CSNK1D: variants seen among roughly 807,000 people sequenced by gnomAD.
CSNK1D encodes the protein casein kinase I isoform delta.
Under a neutral mutation model 46.6 loss-of-function variants are expected in CSNK1D, and 16 were observed. The observed-to-expected ratio is 0.34, with a 90% CI of 0.23 to 0.52. CSNK1D has a LOEUF of 0.52. CSNK1D is among the 20% of genes least tolerant of loss of function. The pLI, the probability that CSNK1D is intolerant of heterozygous loss-of-function variation, is 0.95. For synonymous variants in CSNK1D, 276 were observed against 228.2 expected (o/e 1.21, Z -1.89); for missense variants, 398 against 578.4 (o/e 0.69, Z 3.20).
At position 82,250,455 on chromosome 17, in the gene CSNK1D, C is replaced by T. The variant is rs764431244; in HGVS notation, c.886-853G>A. On this transcript the variant is annotated intron_variant, in intron 6 of 8. Coordinates refer to ENST00000314028, the MANE Select transcript of CSNK1D (RefSeq NM_001893.6). The surrounding 1 kb of genome is among the most constrained non-coding windows in gnomAD (Gnocchi z 4.6). ...TGCCGCAGGAGGGTCGCTCTGATTCCTCCCGAGGCAGCACAGCCCCGGCAG... is the reference window on the plus strand; with the variant it reads ...TGCCGCAGGAGGGTCGCTCTGATTCTTCCCGAGGCAGCACAGCCCCGGCAG... 1 of 330,304 alleles carries T rather than the reference C, an allele frequency of 3.0e-6. No individual in the cohort carries two copies. Among genetic ancestry groups the T allele is most frequent in the Non-Finnish European group, 6.0e-6 (1 of 165,466 alleles). 20.5% of individuals were successfully genotyped at this position (330,304 alleles called of 1,614,324 possible). A position where few individuals can be genotyped will look rare whatever the true frequency, so the allele number is the denominator to read the frequency against.
At chr17:82,242,091 C>A (rs1317071011), downstream of CSNK1D, among the ~76,000 whole-genome samples, 1 of 151,912 alleles carries the variant, frequency 6.6e-6, no homozygotes, top group East Asian at 1.9e-4. Context: ...GGAGGGGAGG[C>A]GGCCTAGCCT....
chr17:82,270,214 TGG>T (rs1253391582), intron 1 of CSNK1D, among the ~76,000 whole-genome samples: 1 of 152,196 alleles, frequency 6.6e-6, no homozygotes, highest in Non-Finnish European at 1.5e-5. Flanking sequence ...GGGGCAATTT[TGG>T]AACACGACAA....
At chr17:82,254,334 C>T (rs2051104407) in intron 3 of CSNK1D, 29 of 298,192 alleles carry the variant, frequency 9.7e-5, no homozygotes, top group South Asian at 5.6e-4. Flanking sequence ...CCGCCGGGGC[C>T]TCGAGAAGCC....
At position 82,253,072 on chromosome 17, in the gene CSNK1D, T is replaced by A. The variant is rs2051054085; in HGVS notation, c.509A>T (p.Asn170Ile). ...CCGCGCCGTCCCCGTGAGGTTCTTG[T>A]TCTCACGATAGGGGATGTGCTGGTG... ...RTHQHIPYRE[N>I]KNLTGTARYA... The change falls in exon 4 of 9, where the codon AAC (asparagine) becomes ATC (isoleucine). Residue 170 changes from asparagine to isoleucine, a missense_variant. Coordinates refer to ENST00000314028, the MANE Select transcript of CSNK1D (RefSeq NM_001893.6). The A allele has an allele frequency of 6.2e-7, 1 of 1,614,086 alleles. No individual in the cohort carries two copies. The highest frequency in any genetic ancestry group is 1.3e-5 in the African/African-American group (1 of 74,930).
chr17:82,246,805 G>C (rs1411506307), intron 8 of CSNK1D: 2 of 986,980 alleles, frequency 2.0e-6, no homozygotes, highest in Admixed American at 6.0e-5. Context: ...AAAGAACAGG[G>C]AAGAGCGACG....
Position 82,249,167 on chromosome 17 carries a change from C to T in CSNK1D, c.1058-153G>A, listed in dbSNP as rs920004905. 11 of 990,266 alleles carry T rather than the reference C, an allele frequency of 1.1e-5. No homozygotes were observed. Among genetic ancestry groups the T allele is most frequent in the Admixed American group, 2.5e-5 (1 of 39,912 alleles). The allele number at this position is 990,266 out of a possible 1,614,324, so 61.3% of individuals were successfully genotyped here. Reference sequence around the variant, plus strand: ...ATGGCCACCAACACTCAGATCCGGCCGGAGGGACACAAAGGGACATGGGAG... The same window carrying T: ...ATGGCCACCAACACTCAGATCCGGCTGGAGGGACACAAAGGGACATGGGAG... On this transcript the variant is annotated intron_variant, in intron 7 of 8. Transcript: ENST00000314028. The surrounding 1 kb of genome is among the most constrained non-coding windows in gnomAD (Gnocchi z 6.7).
In CSNK1D at chr17:82,250,295, C is replaced by A; in HGVS notation, c.886-693G>T. The A allele has an allele frequency of 2.1e-6, 2 of 955,602 alleles. No homozygotes were observed. The highest frequency in any genetic ancestry group is 1.4e-5 in the South Asian group (1 of 72,372). 59.2% of individuals were successfully genotyped at this position (955,602 alleles called of 1,614,324 possible). ...TGCAAGTACAGCTCATTGGACACAG[C>A]CACGTTCACCAGGCAACACACAGAC... On this transcript the variant is annotated intron_variant, in intron 6 of 8. Coordinates refer to ENST00000314028, the MANE Select transcript of CSNK1D (RefSeq NM_001893.6). The surrounding 1 kb of genome is among the most constrained non-coding windows in gnomAD (Gnocchi z 4.6).
rs1253304933 is a variant in CSNK1D, at chr17:82,252,094, G to C, written c.736+340C>G. 6.6e-6 allele frequency among the ~76,000 whole-genome samples: 1 copy of C among 152,228 alleles called. No homozygotes were observed. The highest frequency in any genetic ancestry group is 2.4e-5 in the African/African-American group (1 of 41,462). On this transcript the variant is annotated intron_variant, in intron 5 of 8. Coordinates refer to ENST00000314028, the MANE Select transcript of CSNK1D (RefSeq NM_001893.6). This position sits in a 1 kb window ranked among gnomAD's most constrained non-coding sequence, Gnocchi z 4.6. ...AAAGGAAATCTCCCGAGCTCCTGGA[G>C]GGGGCCAGAGAGGGCAGCCACTGCA...
Position 82,244,737 on chromosome 17 carries a change from A to G in CSNK1D, c.*44T>C. On this transcript the variant is annotated 3_prime_UTR_variant, in exon 9 of 9. Transcript: ENST00000314028. ...AGTAAAGCCATTGGTAACAGAGTAG[A>G]TCAGCCATGCATTGTCTGCCCTTCA... The G allele has an allele frequency of 6.2e-7, 1 of 1,613,630 alleles. No homozygotes were observed. The highest frequency in any genetic ancestry group is 8.5e-7 in the Non-Finnish European group (1 of 1,180,004).
chr17:82,268,288 C>T (rs1312134221), intron 1 of CSNK1D, among the ~76,000 whole-genome samples: 1 of 152,236 alleles, frequency 6.6e-6, no homozygotes, highest in Non-Finnish European at 1.5e-5. Context: ...ACTGCTCAGA[C>T]CCCCTGGCCT....
At chr17:82,241,197 C>T (rs542865080), downstream of CSNK1D, among the ~76,000 whole-genome samples, 80 of 152,292 alleles carry the variant, frequency 5.3e-4, no homozygotes, top group African/African-American at 1.3e-3. Context: ...GGTGTCCGCC[C>T]GGCCTGGGCC....
In CSNK1D at chr17:82,249,241, A is replaced by C; in HGVS notation, c.1057+190T>G. 1 of 759,298 alleles carries C rather than the reference A, an allele frequency of 1.3e-6. No individual in the cohort carries two copies. Among genetic ancestry groups the C allele is most frequent in the Non-Finnish European group, 2.1e-6 (1 of 478,484 alleles). The allele number at this position is 759,298 out of a possible 1,614,324, so 47.0% of individuals were successfully genotyped here. ...AGGAACGTGAGATGCGGGAGGAATC[A>C]CGCACACCAGCAGGTGCCGGCATTT... On this transcript the variant is annotated intron_variant, in intron 7 of 8. Transcript: ENST00000314028. The surrounding 1 kb of genome is among the most constrained non-coding windows in gnomAD (Gnocchi z 6.7).
At position 82,244,053 on chromosome 17, in the gene CSNK1D, G is replaced by A. The variant is rs2050789715; in HGVS notation, c.*728C>T. 1 of 989,142 alleles carries A rather than the reference G, an allele frequency of 1.0e-6. No homozygotes were observed. The allele number at this position is 989,142 out of a possible 1,614,324, so 61.3% of individuals were successfully genotyped here. A position where few individuals can be genotyped will look rare whatever the true frequency, so the allele number is the denominator to read the frequency against. On this transcript the variant is annotated 3_prime_UTR_variant, in exon 9 of 9. Transcript: ENST00000314028. ...CCTAACTGCTCTCCGAGGGCCTCAA[G>A]AGTTCCTGACAGCAGGCATGTCAAT...
intron 1 of CSNK1D, among the ~76,000 whole-genome samples, chr17:82,267,409 G>A (rs1270693724): frequency 6.6e-6 from 1 of 152,172 alleles, no homozygotes; most frequent in Non-Finnish European, 1.5e-5. Context: ...TGAACACCCA[G>A]GAAGCCCCTC....
Position 82,250,869 on chromosome 17 carries a change from T to C in CSNK1D, c.885+510A>G. ...TCTGAAAAGTAATTCAGCTCAGACATGGACCCAGGGCTGGGCTGCCTGTTT... is the reference window on the plus strand; with the variant it reads ...TCTGAAAAGTAATTCAGCTCAGACACGGACCCAGGGCTGGGCTGCCTGTTT... On this transcript the variant is annotated intron_variant, in intron 6 of 8. Coordinates refer to ENST00000314028, the MANE Select transcript of CSNK1D (RefSeq NM_001893.6). This position sits in a 1 kb window ranked among gnomAD's most constrained non-coding sequence, Gnocchi z 4.6. 1 of 190,332 alleles carries C rather than the reference T, an allele frequency of 5.3e-6. No homozygotes were observed. The highest frequency in any genetic ancestry group is 8.6e-5 in the South Asian group (1 of 11,688). 11.8% of individuals were successfully genotyped at this position (190,332 alleles called of 1,614,324 possible).
rs879446672 is a variant in CSNK1D, at chr17:82,251,993, T to TA, written c.736+440dup. 0.021 allele frequency: 5,643 copies of TA among 262,806 alleles called. No homozygotes were observed. The highest frequency in any genetic ancestry group is 0.039 in the South Asian group (1,004 of 26,032). 16.3% of individuals were successfully genotyped at this position (262,806 alleles called of 1,614,324 possible). A position where few individuals can be genotyped will look rare whatever the true frequency, so the allele number is the denominator to read the frequency against. Reference sequence around the variant, plus strand: ...TTGGCGACAGAGTGAGACTGTGTCTTAAAAAAAAAAAAGAAGTCATAAAGC... The same window carrying TA: ...TTGGCGACAGAGTGAGACTGTGTCTTAAAAAAAAAAAAAGAAGTCATAAAGC... On this transcript the variant is annotated intron_variant, in intron 5 of 8. Transcript: ENST00000314028. This position sits in a 1 kb window ranked among gnomAD's most constrained non-coding sequence, Gnocchi z 4.5.
In CSNK1D at chr17:82,255,702, G is replaced by T; in HGVS notation, c.188-125C>A. 8.2e-7 allele frequency: 1 copy of T among 1,223,176 alleles called. No individual in the cohort carries two copies. Among genetic ancestry groups the T allele is most frequent in the Non-Finnish European group, 1.2e-6 (1 of 837,198 alleles). The allele number at this position is 1,223,176 out of a possible 1,614,324, so 75.8% of individuals were successfully genotyped here. A position where few individuals can be genotyped will look rare whatever the true frequency, so the allele number is the denominator to read the frequency against. ...GAACGGGGGAGGGGTGGTGGAGGTA[G>T]AAGACCCCGGCAACGCCGCTCCTCA... On this transcript the variant is annotated intron_variant, in intron 2 of 8. Transcript: ENST00000314028. The surrounding 1 kb of genome is among the most constrained non-coding windows in gnomAD (Gnocchi z 5.9).
In CSNK1D at chr17:82,244,630, T is replaced by TC; in HGVS notation, c.*150dup. On this transcript the variant is annotated 3_prime_UTR_variant, in exon 9 of 9. Transcript: ENST00000314028. Reference sequence around the variant, plus strand: ...TTGGAGTCTGTCCGTTTAGTATGTTTCCCCCACGAGCGTCGCTGGGTGAGT... The same window carrying TC: ...TTGGAGTCTGTCCGTTTAGTATGTTTCCCCCCACGAGCGTCGCTGGGTGAGT... 1.3e-6 allele frequency: 2 copies of TC among 1,537,848 alleles called. No individual in the cohort carries two copies. The highest frequency in any genetic ancestry group is 1.7e-6 in the Non-Finnish European group (2 of 1,147,160).
At chr17:82,239,706 G>A (rs1386132112), downstream of CSNK1D, 2 of 362,978 alleles carry the variant, frequency 5.5e-6, no homozygotes, top group Middle Eastern at 1.4e-3. Flanking sequence ...GAGCCCCTAC[G>A]TGGTGGTTAG....
Sources: gnomAD v4.1 joint callset for allele counts (sites outside exome capture counted in the v4.1 genomes callset) on GRCh38, gnomAD v4.1.1 for gene constraint, Gnocchi (gnomAD v3.1) non-coding constraint, MANE v1.5 for transcripts, NCBI Gene and HGNC (gene_info 2026-07-23, HGNC 2026-07-21) for gene names.